Variants in PTPRD observed in about 807,000 individuals in gnomAD.
The protein encoded by PTPRD is receptor-type tyrosine-protein phosphatase delta.
PTPRD carries 34 observed loss-of-function variants against 214.5 expected under a neutral mutation model. The observed-to-expected ratio is 0.16, with a 90% CI of 0.12 to 0.21. PTPRD has a LOEUF of 0.21. Ranked by LOEUF, PTPRD falls within the 10% of genes least tolerant of loss-of-function variation. The probability of loss-of-function intolerance (pLI) is 1.00; values close to 1 mark genes in which losing one functional copy is unlikely to be tolerated. For synonymous variants in PTPRD, 1,128 were observed against 845.7 expected, an observed-to-expected ratio of 1.33 and a Z score of -5.79; for missense variants, 2,545 against 2,398.7, an observed-to-expected ratio of 1.06 and a Z score of -1.27.
chr9:9,079,963 G>C (rs1285859674), intron 10 of PTPRD, among the ~76,000 whole-genome samples: 1 of 152,028 alleles, frequency 6.6e-6, no homozygotes, highest in African/African-American at 2.4e-5. Context: ...CAGTATGCTT[G>C]ATGAAGCTAC....
chr9:9,880,051 GA>G (rs2153735052), intron 5 of PTPRD, among the ~76,000 whole-genome samples: 1 of 152,234 alleles, frequency 6.6e-6, no homozygotes, highest in East Asian at 1.9e-4. Context: ...TCGAGGGGGG[GA>G]CCTATATCCC....
intron 14 of PTPRD, among the ~76,000 whole-genome samples, chr9:8,625,052 A>G (rs2095973778): frequency 6.6e-6 from 1 of 151,834 alleles, no homozygotes; most frequent in Non-Finnish European, 1.5e-5. Context: ...AAATGCCAGG[A>G]ACATTTCTAG....
At chr9:9,245,538 A>G (rs1361476764) in intron 9 of PTPRD, among the ~76,000 whole-genome samples, 1 of 151,394 alleles carries the variant, frequency 6.6e-6, no homozygotes, top group South Asian at 2.1e-4. Flanking sequence ...CAAACACTGC[A>G]TGTTCTCACT....
chr9:9,892,638 A>G (rs1272582556), intron 5 of PTPRD, among the ~76,000 whole-genome samples: 1 of 152,028 alleles, frequency 6.6e-6, no homozygotes, highest in Non-Finnish European at 1.5e-5. Flanking sequence ...CTCACTATGT[A>G]TTTTAAAGGA....
chr9:8,845,462 A>T (rs541482554), intron 11 of PTPRD, among the ~76,000 whole-genome samples: 1 of 152,368 alleles, frequency 6.6e-6, no homozygotes, highest in South Asian at 2.1e-4. Flanking sequence ...CTGTGAAATC[A>T]GTGAGGCAAA....
chr9:10,429,780 T>C (rs1044047747), intron 2 of PTPRD, among the ~76,000 whole-genome samples: 9 of 151,848 alleles, frequency 5.9e-5, no homozygotes, highest in South Asian at 2.1e-4. Context: ...AATTAGTTAA[T>C]GGATAAAATG....
intron 11 of PTPRD, among the ~76,000 whole-genome samples, chr9:8,827,720 C>G (rs1032432952): frequency 6.6e-6 from 1 of 152,116 alleles, no homozygotes; most frequent in African/African-American, 2.4e-5. Flanking sequence ...TGCCTTTAAC[C>G]TATAGGGTAT....
intron 9 of PTPRD, among the ~76,000 whole-genome samples, chr9:9,383,298 C>A (rs548748172): frequency 6.6e-6 from 1 of 152,110 alleles, no homozygotes; most frequent in East Asian, 1.9e-4. Flanking sequence ...CTGCTTTAAA[C>A]ATATTAAACA....
chr9:9,805,082 T>A (rs1397716621), intron 5 of PTPRD, among the ~76,000 whole-genome samples: 1 of 151,998 alleles, frequency 6.6e-6, no homozygotes, highest in African/African-American at 2.4e-5. Context: ...CTCTTTTAAT[T>A]AGAAAAAATA....
chr9:8,432,589 G>C (rs80110274), intron 35 of PTPRD, among the ~76,000 whole-genome samples: 1 of 152,122 alleles, frequency 6.6e-6, no homozygotes, highest in East Asian at 1.9e-4. Flanking sequence ...AAAATAATCA[G>C]GTGTTTGAAA....
At chr9:10,521,977 T>A (rs1312551719) in intron 2 of PTPRD, among the ~76,000 whole-genome samples, 1 of 152,122 alleles carries the variant, frequency 6.6e-6, no homozygotes, top group Non-Finnish European at 1.5e-5. Flanking sequence ...TATGTCTGTA[T>A]GGTCTTTTTG....
intron 2 of PTPRD, among the ~76,000 whole-genome samples, chr9:10,352,411 C>A (rs1308139462): frequency 3.3e-5 from 5 of 151,934 alleles, no homozygotes; most frequent in Non-Finnish European, 5.9e-5. Flanking sequence ...CTTCTTCCAT[C>A]CTCTCTAACA....
At chr9:9,080,957 C>G (rs370108009) in intron 10 of PTPRD, among the ~76,000 whole-genome samples, 139 of 152,076 alleles carry the variant, frequency 9.1e-4, no homozygotes, top group African/African-American at 3.3e-3. Context: ...CCTGGATTCA[C>G]TGATTTTTTT....
In PTPRD at chr9:8,389,285, C is replaced by T. The variant is rs866731155; in HGVS notation, c.4333G>A (p.Glu1445Lys). The change falls in exon 37 of 46, where the codon GAA becomes AAA. Residue 1445 changes from glutamate (E) to lysine (K), a missense_variant. Physicochemically the swap from Glu to Lys is moderately conservative, Grantham distance 56 (BLOSUM62 1). Coordinates refer to ENST00000381196, the MANE Select transcript of PTPRD (RefSeq NM_002839.4). ...TFGDFWRMIW[E>K]QRSATVVMMT... ...ATGACAACTGTGGCACTCCGTTGTT[C>T]CCATATCATTCTCCAAAAGTCCCCA... 1 of 1,612,842 alleles carries T rather than the reference C, an allele frequency of 6.2e-7. No homozygotes were observed. The highest frequency in any genetic ancestry group is 8.5e-7 in the Non-Finnish European group (1 of 1,179,300).
At chr9:8,631,982 C>T (rs1338363781) in intron 14 of PTPRD, among the ~76,000 whole-genome samples, 1 of 151,866 alleles carries the variant, frequency 6.6e-6, no homozygotes, top group Non-Finnish European at 1.5e-5. Flanking sequence ...AAAGCAGCAT[C>T]TGTTACATGC....
intron 14 of PTPRD, among the ~76,000 whole-genome samples, chr9:8,557,455 T>TATATACAC: frequency 1.5e-5 from 2 of 135,638 alleles, no homozygotes; most frequent in African/African-American, 7.0e-5. Context: ...TATATATATA[T>TATATACAC]ATTTGGGCCG....
At chr9:8,469,229 A>G (rs773039307) in intron 31 of PTPRD, among the ~76,000 whole-genome samples, 53 of 152,206 alleles carry the variant, frequency 3.5e-4, no homozygotes, top group Middle Eastern at 6.8e-3. Flanking sequence ...CCTATACTTT[A>G]ATCCATTAGT....
At chr9:10,035,634 C>G (rs1353620624) in intron 3 of PTPRD, among the ~76,000 whole-genome samples, 2 of 151,806 alleles carry the variant, frequency 1.3e-5, no homozygotes, top group Admixed American at 6.6e-5. Context: ...CTTGGTCTAC[C>G]TCTCCACACC....
intron 2 of PTPRD, among the ~76,000 whole-genome samples, chr9:10,353,934 A>C (rs2097223622): frequency 6.6e-6 from 1 of 152,086 alleles, no homozygotes; most frequent in Non-Finnish European, 1.5e-5. Context: ...TAAAAAAATC[A>C]ATTGAGTAAA....
Sources: gnomAD v4.1 joint callset for allele counts (sites outside exome capture counted in the v4.1 genomes callset) on GRCh38, gnomAD v4.1.1 for gene constraint, MANE v1.5 for transcripts, NCBI Gene and HGNC (gene_info 2026-07-23, HGNC 2026-07-21) for gene names.